IQSEC1: variants seen among roughly 807,000 people sequenced by gnomAD.
The protein encoded by IQSEC1 is IQ motif and Sec7 domain ArfGEF 1, also known as IQ motif and SEC7 domain-containing protein 1.
Under a neutral mutation model 91.0 loss-of-function variants are expected in IQSEC1, and 31 were observed. The observed-to-expected ratio is 0.34, with a 90% CI of 0.26 to 0.46. The LOEUF (loss-of-function observed/expected upper bound fraction) is 0.46, where lower values mean the gene tolerates loss of function less well. Among genes scored for constraint, IQSEC1 ranks in the 20% least tolerant of loss-of-function variants. The pLI is 1.00. For missense variants in IQSEC1, 1,388 were observed against 1,575.6 expected (o/e 0.88, Z 2.02); for synonymous variants, 699 against 662.6 (o/e 1.05, Z -0.84).
intron 2 of IQSEC1, among the ~76,000 whole-genome samples, chr3:13,091,772 TA>T (rs1301789409): frequency 6.6e-6 from 1 of 152,106 alleles, no homozygotes; most frequent in African/African-American, 2.4e-5. Flanking sequence ...AGCTCCAACA[TA>T]AAAAACAAAG....
At position 13,103,601 on chromosome 3, in the gene IQSEC1, G is replaced by C. The variant is rs1289414981; in HGVS notation, c.303-56079C>G. ...GCTGGCAAGAGCCAGAGCCGAGTGT[G>C]CCATTGGGGTGGGCAATTTGCAGGA... On this transcript the variant is annotated intron_variant, in intron 2 of 15. Transcript: ENST00000648114. This position sits in a 1 kb window ranked among gnomAD's most constrained non-coding sequence, Gnocchi z 4.1. 6.6e-6 allele frequency among the ~76,000 whole-genome samples: 1 copy of C among 152,124 alleles called. No individual in the cohort carries two copies. The highest frequency in any genetic ancestry group is 2.4e-5 in the African/African-American group (1 of 41,426).
At chr3:13,070,134 T>C (rs1378867438) in intron 1 of IQSEC1, among the ~76,000 whole-genome samples, 1 of 152,204 alleles carries the variant, frequency 6.6e-6, no homozygotes, top group Non-Finnish European at 1.5e-5. Context: ...TCCACTAGGC[T>C]GAGGATAGCC....
At chr3:13,026,337 C>A (rs1230286677) in intron 1 of IQSEC1, among the ~76,000 whole-genome samples, 1 of 152,228 alleles carries the variant, frequency 6.6e-6, no homozygotes, top group Non-Finnish European at 1.5e-5. Context: ...CTGCACACAG[C>A]CCCATCACGG....
At chr3:13,200,605 C>T (rs1395112704) in intron 1 of IQSEC1, among the ~76,000 whole-genome samples, 3 of 152,250 alleles carry the variant, frequency 2.0e-5, no homozygotes, top group Non-Finnish European at 4.4e-5. Context: ...GTGCACCTGA[C>T]TCCTGACGGA....
rs114478297 is a variant in IQSEC1, at chr3:13,266,435, C to T, written c.272+16276G>A. Among the ~76,000 whole-genome samples, 429 of 152,318 alleles carry T rather than the reference C, an allele frequency of 2.8e-3. 2 individuals are homozygous for T. Among genetic ancestry groups the T allele is most frequent in the African/African-American group, 1.0e-2 (414 of 41,558 alleles). ...CAGGCTAAAAGTCAAGCTCAGCCTG[C>T]AGTGCAGCTGGGTGACGGGGAGCCC... On this transcript the variant is annotated intron_variant, in intron 1 of 15. Transcript: ENST00000648114.
chr3:13,149,408 G>A (rs996008419), intron 2 of IQSEC1, among the ~76,000 whole-genome samples: 2 of 150,000 alleles, frequency 1.3e-5, no homozygotes, highest in African/African-American at 4.9e-5. Flanking sequence ...GACAGGGTGA[G>A]TGTGTCGTGG....
At chr3:13,225,276 C>T (rs1434738930) in intron 1 of IQSEC1, among the ~76,000 whole-genome samples, 2 of 152,150 alleles carry the variant, frequency 1.3e-5, no homozygotes, top group Non-Finnish European at 2.9e-5. Context: ...TTTTATAGCC[C>T]CATGGTGCCT....
intron 1 of IQSEC1, among the ~76,000 whole-genome samples, chr3:13,251,892 G>A (rs577828629): frequency 6.6e-6 from 1 of 152,272 alleles, no homozygotes; most frequent in South Asian, 2.1e-4. Context: ...GCTGAGTGCT[G>A]AGACTACAAA....
chr3:13,173,710 T>C (rs1693663860), intron 1 of IQSEC1, among the ~76,000 whole-genome samples: 1 of 152,236 alleles, frequency 6.6e-6, no homozygotes, highest in Non-Finnish European at 1.5e-5. Context: ...GTCTGGGCCT[T>C]GGACAGGCCA....
chr3:12,967,717 T>C lies in IQSEC1; in HGVS notation c.24-25852A>G. On this transcript the variant is annotated intron_variant, in intron 1 of 13. Coordinates refer to ENST00000613206, the MANE Select transcript of IQSEC1 (RefSeq NM_001134382.3). This position sits in a 1 kb window ranked among gnomAD's most constrained non-coding sequence, Gnocchi z 5.9. ...GCAGCGCGAGGCCGGGCCGGAGGAA[T>C]GTGGCCCTGAAGTGGGCGGGGCAGG... is the stretch of plus-strand genomic sequence containing the variant. The C allele has an allele frequency of 9.1e-7, 1 of 1,104,574 alleles. No individual in the cohort carries two copies. The highest frequency in any genetic ancestry group is 1.1e-6 in the Non-Finnish European group (1 of 909,218). The allele number at this position is 1,104,574 out of a possible 1,614,324, so 68.4% of individuals were successfully genotyped here.
At chr3:13,086,277 G>C (rs1295789268) in intron 2 of IQSEC1, among the ~76,000 whole-genome samples, 1 of 152,184 alleles carries the variant, frequency 6.6e-6, no homozygotes, top group Non-Finnish European at 1.5e-5. Flanking sequence ...GGTGACAGGA[G>C]ATGATGCCGG....
In IQSEC1 at chr3:12,924,405, G is replaced by A. The variant is rs1696926975; in HGVS notation, c.1730+176C>T. On this transcript the variant is annotated intron_variant, in intron 4 of 13. Coordinates refer to ENST00000613206, the MANE Select transcript of IQSEC1 (RefSeq NM_001134382.3). This position sits in a 1 kb window ranked among gnomAD's most constrained non-coding sequence, Gnocchi z 6.3. Reference sequence around the variant, plus strand: ...AGGGCAGGTGCCCACCTGCGTGCTGGGCAGATGTGGGGCATCTGCATGTGT... The same window carrying A: ...AGGGCAGGTGCCCACCTGCGTGCTGAGCAGATGTGGGGCATCTGCATGTGT... 6.6e-6 allele frequency among the ~76,000 whole-genome samples: 1 copy of A among 152,122 alleles called. No homozygotes were observed. Among genetic ancestry groups the A allele is most frequent in the Non-Finnish European group, 1.5e-5 (1 of 68,000 alleles).
At chr3:12,960,510 A>C (rs1433444533) in intron 1 of IQSEC1, 1 of 152,250 alleles carries the variant, frequency 6.6e-6, no homozygotes, top group Non-Finnish European at 1.5e-5. Context: ...CTCAGGCTGC[A>C]TTCTAACAAG....
At chr3:12,957,320 C>G (rs1029494273) in intron 1 of IQSEC1, among the ~76,000 whole-genome samples, 1 of 152,186 alleles carries the variant, frequency 6.6e-6, no homozygotes, top group African/African-American at 2.4e-5. Context: ...CTCTGCCAGA[C>G]GCTTGTCCCT....
At chr3:13,243,360 C>T (rs148659746) in intron 1 of IQSEC1, among the ~76,000 whole-genome samples, 307 of 152,248 alleles carry the variant, frequency 2.0e-3, no homozygotes, top group African/African-American at 6.2e-3. Flanking sequence ...GACCCTCGGA[C>T]GAAGGGCTGC....
intron 1 of IQSEC1, among the ~76,000 whole-genome samples, chr3:12,944,349 C>T (rs1699025359): frequency 6.6e-6 from 1 of 152,238 alleles, no homozygotes. Context: ...CACTCACCAA[C>T]CTAATCAACT....
chr3:13,011,931 C>T (rs1304643114), intron 1 of IQSEC1, among the ~76,000 whole-genome samples: 2 of 143,314 alleles, frequency 1.4e-5, no homozygotes, highest in Non-Finnish European at 3.0e-5. Context: ...GTCTCAAATT[C>T]TAAGTTCGTG....
chr3:13,066,496 A>C (rs1705234036), intron 1 of IQSEC1, among the ~76,000 whole-genome samples: 1 of 152,150 alleles, frequency 6.6e-6, no homozygotes, highest in Admixed American at 6.5e-5. Context: ...CTGGGCTGTG[A>C]GGTCTGAGGT....
intron 1 of IQSEC1, among the ~76,000 whole-genome samples, chr3:13,026,623 G>T (rs146652714): frequency 1.3e-5 from 2 of 152,192 alleles, no homozygotes; most frequent in Admixed American, 1.3e-4. Flanking sequence ...TGAAGAAGGC[G>T]TATAAACTAG....
Sources: allele counts gnomAD v4.1 joint callset (sites outside exome capture counted in the v4.1 genomes callset), GRCh38; gene constraint gnomAD v4.1.1; non-coding constraint Gnocchi (gnomAD v3.1); transcripts MANE v1.5; gene names NCBI Gene and HGNC (gene_info 2026-07-23, HGNC 2026-07-21).